KLHDC4: variants seen among roughly 807,000 people sequenced by gnomAD.
KLHDC4 encodes the protein kelch domain-containing protein 4.
KLHDC4 carries 90 observed loss-of-function variants against 62.4 expected under a neutral mutation model. That is an observed-to-expected ratio of 1.44 (90% CI 1.22 to 1.72). The LOEUF is 1.72. KLHDC4 is among the 40% of genes most tolerant of loss of function. The pLI is 0.00. For missense variants in KLHDC4, 1,025 were observed against 699.7 expected (o/e 1.47, Z -5.25); for synonymous variants, 386 against 284.4 (o/e 1.36, Z -3.59).
At chr16:87,742,621 C>G (rs977551366) in intron 5 of KLHDC4, among the ~76,000 whole-genome samples, 3 of 152,138 alleles carry the variant, frequency 2.0e-5, no homozygotes, top group Middle Eastern at 3.2e-3. Flanking sequence ...GGGTAAAACA[C>G]AGATTCCTCA....
chr16:87,730,578 C>T lies in KLHDC4; in HGVS notation c.573G>A (p.Leu191=). 1.9e-6 allele frequency: 3 copies of T among 1,613,036 alleles called. No homozygotes were observed. The highest frequency in any genetic ancestry group is 1.3e-5 in the African/African-American group (1 of 74,982). The part of the protein sequence containing the change: ...RMVAWKRQLI[L]FGGFHESTRD... ...GTGTACTTTCATGGAAGCCACCAAACAGGATCAATTGTCTCTTCCAGGCCA... is the reference window on the plus strand; with the variant it reads ...GTGTACTTTCATGGAAGCCACCAAATAGGATCAATTGTCTCTTCCAGGCCA... Residue 191 remains leucine (L), a synonymous_variant, in exon 6 of 12, where the codon CTG becomes CTA. Transcript: ENST00000270583.
At chr16:87,760,606 C>CAAA (rs546426686) in intron 2 of KLHDC4, among the ~76,000 whole-genome samples, 172 of 52,124 alleles carry the variant, frequency 3.3e-3, no homozygotes, top group African/African-American at 0.011. Flanking sequence ...GACTCCGTCC[C>CAAA]AAAAAAAAAA....
At chr16:87,746,585 C>G (rs566307383) in intron 5 of KLHDC4, among the ~76,000 whole-genome samples, 42 of 152,322 alleles carry the variant, frequency 2.8e-4, no homozygotes, top group African/African-American at 9.6e-4. Context: ...CGCGAGGTAT[C>G]TCTGTTCATC....
intron 6 of KLHDC4, 96 bp from the exon 7 acceptor site, chr16:87,727,020 C>G: frequency 7.4e-7 from 1 of 1,352,682 alleles, no homozygotes; most frequent in Non-Finnish European, 1.0e-6. Context: ...AAATTTCCTA[C>G]TGTTTGGGGA....
At chr16:87,755,163 G>A (rs373489030) in intron 4 of KLHDC4, 31 bp downstream of exon 4, 3 of 1,444,808 alleles carry the variant, frequency 2.1e-6, no homozygotes, top group East Asian at 2.3e-5. Context: ...TGGGAAGAGG[G>A]AGGGTGGCTG....
intron 7 of KLHDC4, among the ~76,000 whole-genome samples, chr16:87,720,943 C>G (rs941555076): frequency 1.3e-5 from 2 of 152,200 alleles, no homozygotes; most frequent in Non-Finnish European, 2.9e-5. Flanking sequence ...GGTCAAGTCC[C>G]TCTGCGTGTC....
At chr16:87,706,878 A>C (rs1042323100), downstream of KLHDC4, among the ~76,000 whole-genome samples, 1 of 152,168 alleles carries the variant, frequency 6.6e-6, no homozygotes, top group Non-Finnish European at 1.5e-5. Context: ...GGGAGCGGGG[A>C]GGTGCTCACA....
intron 7 of KLHDC4, 61 bp from the exon 8 acceptor site, chr16:87,714,634 C>A: frequency 1.3e-6 from 2 of 1,576,926 alleles, no homozygotes; most frequent in African/African-American, 2.7e-5. Context: ...TTACAGACCC[C>A]CCAACCCTGT....
chr16:87,728,712 G>T (rs1159733803), intron 6 of KLHDC4, among the ~76,000 whole-genome samples: 1 of 152,038 alleles, frequency 6.6e-6, no homozygotes, highest in African/African-American at 2.4e-5. Context: ...TAGGCGCGGG[G>T]GCTCAAGCCT....
downstream of KLHDC4, among the ~76,000 whole-genome samples, chr16:87,705,438 GTCTA>G (rs1463942038): frequency 2.6e-5 from 4 of 152,252 alleles, no homozygotes; most frequent in African/African-American, 9.6e-5. Flanking sequence ...CTGGGAGCTT[GTCTA>G]TCTGATCCCC....
intron 5 of KLHDC4, among the ~76,000 whole-genome samples, chr16:87,742,756 T>A (rs1011890931): frequency 6.6e-6 from 1 of 152,140 alleles, no homozygotes; most frequent in Non-Finnish European, 1.5e-5. Flanking sequence ...CTCAAGATCC[T>A]CTTCTCTGCC....
chr16:87,705,321 G>C (rs929102536), downstream of KLHDC4, among the ~76,000 whole-genome samples: 234 of 152,360 alleles, frequency 1.5e-3, no homozygotes, highest in African/African-American at 5.4e-3. Context: ...CGTGGGGCAG[G>C]CAGAGCTCCG....
At chr16:87,755,149 C>T in intron 4 of KLHDC4, 45 bp downstream of exon 4, 5 of 1,327,958 alleles carry the variant, frequency 3.8e-6, no homozygotes, top group East Asian at 2.3e-5. Flanking sequence ...ACCAGACTCC[C>T]ACGTGGGAAG....
At chr16:87,730,466 T>C in intron 6 of KLHDC4, 86 bp downstream of exon 6, 2 of 1,138,526 alleles carry the variant, frequency 1.8e-6, no homozygotes, top group Non-Finnish European at 2.5e-6. Context: ...GGTGCGTCTT[T>C]CTTGTGTATT....
chr16:87,734,888 C>T (rs2041013149), intron 5 of KLHDC4, among the ~76,000 whole-genome samples: 1 of 152,202 alleles, frequency 6.6e-6, no homozygotes, highest in African/African-American at 2.4e-5. Context: ...AAACCCCACA[C>T]ATGCGGAGCA....
chr16:87,722,941 T>C (rs759241565), intron 7 of KLHDC4, among the ~76,000 whole-genome samples: 2 of 152,142 alleles, frequency 1.3e-5, no homozygotes, highest in African/African-American at 4.8e-5. Flanking sequence ...CCTGGGAGCA[T>C]GGACGGGGCC....
intron 5 of KLHDC4, 132 bp downstream of exon 5, chr16:87,748,541 G>C (rs1446756964): frequency 1.6e-5 from 19 of 1,162,062 alleles, no homozygotes; most frequent in Non-Finnish European, 2.2e-5. Context: ...GACCCAGCGA[G>C]GCTGGGCTCC....
intron 5 of KLHDC4, among the ~76,000 whole-genome samples, chr16:87,735,189 A>C (rs1352852531): frequency 6.6e-6 from 1 of 151,664 alleles, no homozygotes; most frequent in African/African-American, 2.4e-5. Flanking sequence ...AGTCCCAGCT[A>C]CTCAGGAGGC....
intron 5 of KLHDC4, among the ~76,000 whole-genome samples, chr16:87,748,379 A>G (rs1253710107): frequency 1.3e-5 from 2 of 152,242 alleles, no homozygotes; most frequent in Non-Finnish European, 2.9e-5. Context: ...TGATGTAAAC[A>G]GAAGACCACA....
Sources: allele counts gnomAD v4.1 joint callset (sites outside exome capture counted in the v4.1 genomes callset), GRCh38; gene constraint gnomAD v4.1.1; transcripts MANE v1.5; gene names NCBI Gene and HGNC (gene_info 2026-07-23, HGNC 2026-07-21).